The following COL9A2 variants were observed in gnomAD, a reference collection of about 807,000 sequenced individuals.
COL9A2 encodes the protein collagen alpha-2(IX) chain.
In COL9A2, 66 loss-of-function variants were observed where a neutral mutation model predicts 111.6. That is an observed-to-expected ratio of 0.59 (90% CI 0.48 to 0.73). COL9A2 has a LOEUF of 0.73. Ranked by LOEUF, COL9A2 falls within the 30% of genes least tolerant of loss-of-function variation. COL9A2 has a pLI of 0.00. For synonymous variants in COL9A2, 353 were observed against 364.1 expected (o/e 0.97, Z 0.35); for missense variants, 881 against 954.1 (o/e 0.92, Z 1.01).
intron 16 of COL9A2, 94 bp from the exon 17 acceptor site, chr1:40,308,339 G>A (rs984537648): frequency 1.4e-5 from 18 of 1,322,404 alleles, no homozygotes; most frequent in Admixed American, 2.0e-5. Context: ...TGGCCTCTAG[G>A]TCCCAGAGTT....
At position 40,310,026 on chromosome 1, in the gene COL9A2, C is replaced by T. The variant is rs1439925625; in HGVS notation, c.793-35G>A. 2 of 1,613,990 alleles carry T rather than the reference C, an allele frequency of 1.2e-6. No homozygotes were observed. Among genetic ancestry groups the T allele is most frequent in the Non-Finnish European group, 1.7e-6 (2 of 1,179,944 alleles). On this transcript the variant is annotated intron_variant, in intron 15 of 31. Coordinates refer to ENST00000372748, the MANE Select transcript of COL9A2 (RefSeq NM_001852.4). This position sits in a 1 kb window ranked among gnomAD's most constrained non-coding sequence, Gnocchi z 4.9. ...AAGACAAGCAGGAATCCAGGTCACA[C>T]AGGCTCAGGGGGAGCCATGCCCACT...
chr1:40,315,639 G>T lies in COL9A2; in HGVS notation c.101C>A (p.Pro34His). 1 of 1,554,194 alleles carries T rather than the reference G, an allele frequency of 6.4e-7. No homozygotes were observed. Among genetic ancestry groups the T allele is most frequent in the Non-Finnish European group, 8.7e-7 (1 of 1,147,952 alleles). ...QIRGPPGERG[P>H]PGPPGPPGVP... is the part of the protein sequence containing the mutation. ...TCCCGGCGGTCCCGGGGGACCCGGGGGGCCCCGCTCTCCCGGTGGACCTCT... is the reference window on the plus strand; with the variant it reads ...TCCCGGCGGTCCCGGGGGACCCGGGTGGCCCCGCTCTCCCGGTGGACCTCT... Residue 34 changes from proline to histidine, a missense_variant, in exon 2 of 32, where the codon CCC (proline) becomes CAC (histidine). Physicochemically the swap from Pro to His is moderately conservative, Grantham distance 77. Coordinates refer to ENST00000372748, the MANE Select transcript of COL9A2 (RefSeq NM_001852.4).
In COL9A2 at chr1:40,317,181, G is replaced by A. The variant is rs746060830; in HGVS notation, c.17C>T (p.Ala6Val). MAAAT[A>V]SPRSLLVLLQ... ...GAGAACAAGGAGGCTGCGGGGGGAGGCCGTAGCGGCGGCCATGGCTGGCGG... is the reference window on the plus strand; with the variant it reads ...GAGAACAAGGAGGCTGCGGGGGGAGACCGTAGCGGCGGCCATGGCTGGCGG... The change falls in exon 1 of 32, where the codon GCC (alanine) becomes GTC (valine). Residue 6 changes from alanine to valine, a missense_variant. By Grantham distance (64) the Ala-to-Val change is moderately conservative. Coordinates refer to ENST00000372748, the MANE Select transcript of COL9A2 (RefSeq NM_001852.4). The surrounding 1 kb of genome is among the most constrained non-coding windows in gnomAD (Gnocchi z 4.3). 6.3e-7 allele frequency: 1 copy of A among 1,586,088 alleles called. No individual in the cohort carries two copies. The highest frequency in any genetic ancestry group is 1.1e-5 in the South Asian group (1 of 86,996).
In COL9A2 at chr1:40,302,024, G is replaced by T; in HGVS notation, c.1793-135C>A. 2 of 847,098 alleles carry T rather than the reference G, an allele frequency of 2.4e-6. No individual in the cohort carries two copies. The highest frequency in any genetic ancestry group is 1.7e-5 in the African/African-American group (1 of 59,690). The allele number at this position is 847,098 out of a possible 1,614,324, so 52.5% of individuals were successfully genotyped here. A position where few individuals can be genotyped will look rare whatever the true frequency, so the allele number is the denominator to read the frequency against. On this transcript the variant is annotated intron_variant, in intron 30 of 31. Coordinates refer to ENST00000372748, the MANE Select transcript of COL9A2 (RefSeq NM_001852.4). The surrounding 1 kb of genome is among the most constrained non-coding windows in gnomAD (Gnocchi z 4.5). ...ATAGAGGAAAGTTGGAAATGGTCACGCAGGGCTTGTTAAATAAAGGAAGGT... is the reference window on the plus strand; with the variant it reads ...ATAGAGGAAAGTTGGAAATGGTCACTCAGGGCTTGTTAAATAAAGGAAGGT...
chr1:40,309,886 G>T, intron 16 of COL9A2, 52 bp downstream of exon 16: 1 of 1,594,886 alleles, frequency 6.3e-7, no homozygotes, highest in East Asian at 2.2e-5. Context: ...GCCTTGTCCT[G>T]CCCAGTACTC....
Position 40,303,334 on chromosome 1 carries a change from G to C in COL9A2, c.1549-149C>G. ...TGAGGAACAGATTGTACCTGGGCAG[G>C]GCCAAGGGCTTACTTGGGAAGGTCG... On this transcript the variant is annotated intron_variant, in intron 28 of 31. Coordinates refer to ENST00000372748, the MANE Select transcript of COL9A2 (RefSeq NM_001852.4). This position sits in a 1 kb window ranked among gnomAD's most constrained non-coding sequence, Gnocchi z 4.6. The C allele has an allele frequency of 8.8e-7, 1 of 1,140,304 alleles. No homozygotes were observed. The highest frequency in any genetic ancestry group is 1.3e-6 in the Non-Finnish European group (1 of 782,752). The allele number at this position is 1,140,304 out of a possible 1,614,324, so 70.6% of individuals were successfully genotyped here. A position where few individuals can be genotyped will look rare whatever the true frequency, so the allele number is the denominator to read the frequency against.
rs1644118341 is a variant in COL9A2 at position 40,311,213 on chromosome 1, A to G, written c.576+17T>C. ...CACCTGCACCACCCTCCCAAGATTC[A>G]GGCCAGGAGCTCTCACCTTCACTCC... On this transcript the variant is annotated intron_variant, in intron 11 of 31. Transcript: ENST00000372748. This position sits in a 1 kb window ranked among gnomAD's most constrained non-coding sequence, Gnocchi z 5.1. 6.2e-7 allele frequency: 1 copy of G among 1,614,170 alleles called. No homozygotes were observed. Among genetic ancestry groups the G allele is most frequent in the African/African-American group, 1.3e-5 (1 of 75,052 alleles).
rs530293339 is a variant in COL9A2, at chr1:40,303,423, C to A, written c.1548+107G>T. 38 of 1,483,640 alleles carry A rather than the reference C, an allele frequency of 2.6e-5. No homozygotes were observed. The East Asian group carries it at 7.0e-4, about 27-fold the overall frequency. 91.9% of individuals were successfully genotyped at this position (1,483,640 alleles called of 1,614,324 possible). Reference sequence around the variant, plus strand: ...CTGCTCTGGGGCTTGGAACCAGTCTCGGGGAAGTCGGTGAGTCTCTGGGAA... The same window carrying A: ...CTGCTCTGGGGCTTGGAACCAGTCTAGGGGAAGTCGGTGAGTCTCTGGGAA... On this transcript the variant is annotated intron_variant, in intron 28 of 31. Transcript: ENST00000372748. This position sits in a 1 kb window ranked among gnomAD's most constrained non-coding sequence, Gnocchi z 4.6.
chr1:40,306,413 A>AGAT (rs1644030772), intron 19 of COL9A2, among the ~76,000 whole-genome samples: 2 of 152,202 alleles, frequency 1.3e-5, no homozygotes, highest in Admixed American at 6.5e-5. Context: ...TACGTGGAAG[A>AGAT]GATGGATATG....
chr1:40,314,319 A>G lies in COL9A2; in HGVS notation c.186+33T>C. ...GAGCCAGAGGAGGGCAAGAGCAGGA[A>G]GGGTCAAAGGCCAAAGAGGATAAAG... On this transcript the variant is annotated intron_variant, in intron 3 of 31. Transcript: ENST00000372748. This position sits in a 1 kb window ranked among gnomAD's most constrained non-coding sequence, Gnocchi z 4.1. 1.2e-6 allele frequency: 2 copies of G among 1,614,224 alleles called. No homozygotes were observed. Among genetic ancestry groups the G allele is most frequent in the Non-Finnish European group, 1.7e-6 (2 of 1,180,036 alleles).
At position 40,311,183 on chromosome 1, in the gene COL9A2, C is replaced by T. The variant is rs769461317; in HGVS notation, c.577-37G>A. The T allele has an allele frequency of 2.5e-6, 4 of 1,614,122 alleles. No individual in the cohort carries two copies. In the African/African-American group the frequency reaches 5.3e-5, roughly 22 times the overall value. The stretch of plus-strand genomic sequence containing the variant: ...GAGAGAGCTCAATACGAGGTCCCCT[C>T]CTGTCACCTGCACCACCCTCCCAAG... On this transcript the variant is annotated intron_variant, in intron 11 of 31. Coordinates refer to ENST00000372748, the MANE Select transcript of COL9A2 (RefSeq NM_001852.4). This position sits in a 1 kb window ranked among gnomAD's most constrained non-coding sequence, Gnocchi z 5.1.
Position 40,317,170 on chromosome 1 carries a change from T to G in COL9A2, c.28A>C (p.Ser10Arg). 1 of 1,589,020 alleles carries G rather than the reference T, an allele frequency of 6.3e-7. No individual in the cohort carries two copies. The highest frequency in any genetic ancestry group is 8.6e-7 in the Non-Finnish European group (1 of 1,168,038). Residue 10 changes from serine (S) to arginine (R), a missense_variant, in exon 1 of 32, where the codon AGC (serine) becomes CGC (arginine). Ser to Arg is a moderately radical substitution (Grantham distance 110). Transcript: ENST00000372748. The surrounding 1 kb of genome is among the most constrained non-coding windows in gnomAD (Gnocchi z 4.3). ...ACCACCTGGAGGAGAACAAGGAGGC[T>G]GCGGGGGGAGGCCGTAGCGGCGGCC... MAAATASPR[S>R]LLVLLQVVVL...
Position 40,314,279 on chromosome 1 carries a change from A to G in COL9A2, c.187-12T>C. The G allele has an allele frequency of 6.2e-7, 1 of 1,614,216 alleles. No homozygotes were observed. Among genetic ancestry groups the G allele is most frequent in the Non-Finnish European group, 8.5e-7 (1 of 1,180,040 alleles). On this transcript the variant is annotated splice_polypyrimidine_tract_variant and intron_variant, in intron 3 of 31. Transcript: ENST00000372748. This position sits in a 1 kb window ranked among gnomAD's most constrained non-coding sequence, Gnocchi z 4.1. Reference sequence around the variant, plus strand: ...TCGCCCTTGGGTCCCTTGAAAACAGAGATGGAACAAACATGAGCCAGAGGA... The same window carrying G: ...TCGCCCTTGGGTCCCTTGAAAACAGGGATGGAACAAACATGAGCCAGAGGA...
In COL9A2 at chr1:40,310,455, G is replaced by T; in HGVS notation, c.685-138C>A. 2.1e-6 allele frequency: 2 copies of T among 931,486 alleles called. No individual in the cohort carries two copies. The highest frequency in any genetic ancestry group is 3.4e-6 in the Non-Finnish European group (2 of 584,318). The allele number at this position is 931,486 out of a possible 1,614,324, so 57.7% of individuals were successfully genotyped here. On this transcript the variant is annotated intron_variant, in intron 13 of 31. Coordinates refer to ENST00000372748, the MANE Select transcript of COL9A2 (RefSeq NM_001852.4). This position sits in a 1 kb window ranked among gnomAD's most constrained non-coding sequence, Gnocchi z 4.9. Reference sequence around the variant, plus strand: ...TCTGTCTCATGGATGGGACATGGAGGTTCAGAGATGAGGAGGGACTCACTG... The same window carrying T: ...TCTGTCTCATGGATGGGACATGGAGTTTCAGAGATGAGGAGGGACTCACTG...
intron 21 of COL9A2, among the ~76,000 whole-genome samples, chr1:40,305,347 G>GC (rs2124060739): frequency 6.6e-6 from 1 of 152,258 alleles, no homozygotes; most frequent in Admixed American, 6.5e-5. Flanking sequence ...GAGCCACCGC[G>GC]CCCGGCGTGA....
Position 40,314,307 on chromosome 1 carries a change from G to A in COL9A2, c.187-40C>T, listed in dbSNP as rs1644181320. 1 of 1,614,216 alleles carries A rather than the reference G, an allele frequency of 6.2e-7. No individual in the cohort carries two copies. Among genetic ancestry groups the A allele is most frequent in the Non-Finnish European group, 8.5e-7 (1 of 1,180,036 alleles). ...TGGAACAAACATGAGCCAGAGGAGG[G>A]CAAGAGCAGGAAGGGTCAAAGGCCA... On this transcript the variant is annotated intron_variant, in intron 3 of 31. Coordinates refer to ENST00000372748, the MANE Select transcript of COL9A2 (RefSeq NM_001852.4). This position sits in a 1 kb window ranked among gnomAD's most constrained non-coding sequence, Gnocchi z 4.1.
At position 40,307,924 on chromosome 1, in the gene COL9A2, G is replaced by A. The variant is rs565194853; in HGVS notation, c.901-168C>T. On this transcript the variant is annotated intron_variant, in intron 17 of 31. Transcript: ENST00000372748. This position sits in a 1 kb window ranked among gnomAD's most constrained non-coding sequence, Gnocchi z 4.8. Reference sequence around the variant, plus strand: ...GGGGAGGGGAGTTGAAGTGGGAAGGGGATGAGGGTCACGGAACACAGTCCT... The same window carrying A: ...GGGGAGGGGAGTTGAAGTGGGAAGGAGATGAGGGTCACGGAACACAGTCCT... Among the ~76,000 whole-genome samples the A allele has an allele frequency of 3.3e-4, 50 of 152,298 alleles. No homozygotes were observed. The highest frequency in any genetic ancestry group is 1.1e-3 in the African/African-American group (47 of 41,556).
rs776441743 is a variant in COL9A2 at position 40,312,609 on chromosome 1, C to G, written c.304G>C (p.Gly102Arg). 1.2e-6 allele frequency: 2 copies of G among 1,614,008 alleles called. No homozygotes were observed. The highest frequency in any genetic ancestry group is 3.3e-5 in the Admixed American group (2 of 60,008). ...PGPMGIPGVK[G>R]QPGLPGPPGL... is the part of the protein sequence containing the mutation. ...GGAGGACCAGGAAGCCCGGGCTGGC[C>G]CTGCAGAAGCAACGAGAAAGGCTCA... The change falls in exon 6 of 32, where the codon GGC becomes CGC. Residue 102 changes from glycine to arginine, a missense_variant and splice_region_variant. Gly to Arg is a moderately radical substitution (Grantham distance 125). Transcript: ENST00000372748. This position sits in a 1 kb window ranked among gnomAD's most constrained non-coding sequence, Gnocchi z 6.0.
Position 40,303,893 on chromosome 1 carries a change from G to A in COL9A2, c.1368+35C>T, listed in dbSNP as rs1205426455. 6 of 1,549,574 alleles carry A rather than the reference G, an allele frequency of 3.9e-6. No individual in the cohort carries two copies. In the Middle Eastern group the frequency reaches 5.5e-4, roughly 141 times the overall value. On this transcript the variant is annotated intron_variant, in intron 26 of 31. Transcript: ENST00000372748. This position sits in a 1 kb window ranked among gnomAD's most constrained non-coding sequence, Gnocchi z 4.6. ...AGCCGCGGGGACCCCGGGGCCAGCCGCCGCTCCCCGCCCTTCCCTAGGCCG... is the reference window on the plus strand; with the variant it reads ...AGCCGCGGGGACCCCGGGGCCAGCCACCGCTCCCCGCCCTTCCCTAGGCCG...
Sources: allele counts gnomAD v4.1 joint callset (sites outside exome capture counted in the v4.1 genomes callset), GRCh38; gene constraint gnomAD v4.1.1; non-coding constraint Gnocchi (gnomAD v3.1); transcripts MANE v1.5; gene names NCBI Gene and HGNC (gene_info 2026-07-23, HGNC 2026-07-21).